The following PCDHGA3 variants were observed in gnomAD, a reference collection of about 807,000 sequenced individuals.
The protein encoded by PCDHGA3 is protocadherin gamma-A3.
Under a neutral mutation model 58.5 loss-of-function variants are expected in PCDHGA3, and 40 were observed. The observed-to-expected ratio is 0.68, with a 90% CI of 0.53 to 0.89. PCDHGA3 has a LOEUF of 0.89. Among genes scored for constraint, PCDHGA3 ranks in the 40% least tolerant of loss-of-function variants. The probability of loss-of-function intolerance (pLI) is 0.00; values close to 1 mark genes in which losing one functional copy is unlikely to be tolerated. For synonymous variants in PCDHGA3, 530 were observed against 525.7 expected, an observed-to-expected ratio of 1.01 and a Z score of -0.11; for missense variants, 1,223 against 1,195.9, an observed-to-expected ratio of 1.02 and a Z score of -0.33.
chr5:141,472,132 A>C (rs1004365239), intron 1 of PCDHGA3, among the ~76,000 whole-genome samples: 3 of 152,272 alleles, frequency 2.0e-5, no homozygotes, highest in African/African-American at 7.2e-5. Flanking sequence ...GAGAAGTTAA[A>C]AATAAAAGTT....
chr5:141,360,404 T>C, intron 1 of PCDHGA3: 2 of 1,613,934 alleles, frequency 1.2e-6, no homozygotes, highest in South Asian at 1.1e-5. Flanking sequence ...AGTGACAGAA[T>C]AGACCGAGAA....
chr5:141,477,898 AG>A lies in PCDHGA3; in HGVS notation c.2425-16907del. The stretch of plus-strand genomic sequence containing the variant: ...CTGGCCACCTAGTGTCACGGGTGGT[AG>A]GCTGGGACGCGGATGCAGGGCACAA... On this transcript the variant is annotated intron_variant, in intron 1 of 3. Coordinates refer to ENST00000253812, the MANE Select transcript of PCDHGA3 (RefSeq NM_018916.4). The surrounding 1 kb of genome is among the most constrained non-coding windows in gnomAD (Gnocchi z 4.9). The A allele has an allele frequency of 6.2e-7, 1 of 1,614,158 alleles. No individual in the cohort carries two copies. Among genetic ancestry groups the A allele is most frequent in the Non-Finnish European group, 8.5e-7 (1 of 1,180,036 alleles).
chr5:141,432,808 C>T lies in PCDHGA3; in HGVS notation c.2425-61999C>T, dbSNP rs1473886709. ...TCGGCAGCCTCGAGTCTCCAGCTAA[C>T]TCTGAAACCTCAGACCTCACTCTGT... On this transcript the variant is annotated intron_variant, in intron 1 of 3. Transcript: ENST00000253812. This position sits in a 1 kb window ranked among gnomAD's most constrained non-coding sequence, Gnocchi z 6.0. 6.2e-7 allele frequency: 1 copy of T among 1,613,486 alleles called. No homozygotes were observed. Among genetic ancestry groups the T allele is most frequent in the African/African-American group, 1.3e-5 (1 of 74,426 alleles).
intron 1 of PCDHGA3, chr5:141,413,229 C>T (rs200934469): frequency 6.2e-7 from 1 of 1,613,914 alleles, no homozygotes; most frequent in African/African-American, 1.3e-5. Context: ...GCGGGCTGGT[C>T]CTGCTCTGCC....
At chr5:141,417,710 TC>T (rs1471403767) in intron 1 of PCDHGA3, 1 of 1,249,228 alleles carries the variant, frequency 8.0e-7, no homozygotes, top group Non-Finnish European at 1.1e-6. Flanking sequence ...ACACAGAGGC[TC>T]CCGGCTGCGC....
intron 1 of PCDHGA3, chr5:141,409,995 CG>C: frequency 1.2e-6 from 2 of 1,613,308 alleles, no homozygotes; most frequent in Non-Finnish European, 1.7e-6. Context: ...GACGCCGACT[CG>C]GGACACAACG....
intron 1 of PCDHGA3, among the ~76,000 whole-genome samples, chr5:141,429,377 G>GTT (rs566693637): frequency 2.2e-4 from 33 of 149,524 alleles, no homozygotes; most frequent in South Asian, 1.5e-3. Context: ...GAGAAAATGT[G>GTT]TTTTTTTTTT....
chr5:141,427,103 G>A (rs1216465844), intron 1 of PCDHGA3: 3 of 457,888 alleles, frequency 6.6e-6, no homozygotes, highest in Non-Finnish European at 1.3e-5. Flanking sequence ...GTGTCAATGC[G>A]GAGATCACCT....
rs1292277026 is a variant in PCDHGA3 at position 141,489,814 on chromosome 5, CCA to C, written c.2425-4992_2425-4991del. 6 of 1,614,024 alleles carry C rather than the reference CCA, an allele frequency of 3.7e-6. No homozygotes were observed. Among genetic ancestry groups the C allele is most frequent in the Non-Finnish European group, 8.5e-7 (1 of 1,180,004 alleles). ...GACCCTAAAAGATGGGAAGCCATTC[CCA>C]GAGCTGGTGCTAGAGCAGCAGCTGG... On this transcript the variant is annotated intron_variant, in intron 1 of 3. Transcript: ENST00000253812. This position sits in a 1 kb window ranked among gnomAD's most constrained non-coding sequence, Gnocchi z 4.5.
chr5:141,478,857 C>A, intron 1 of PCDHGA3: 1 of 1,353,600 alleles, frequency 7.4e-7, no homozygotes, highest in Non-Finnish European at 9.8e-7. Context: ...AACACAAGAT[C>A]TCAGCGATCA....
At chr5:141,360,679 G>T in intron 1 of PCDHGA3, 1 of 1,613,988 alleles carries the variant, frequency 6.2e-7, no homozygotes, top group Non-Finnish European at 8.5e-7. Context: ...TGATCTCGCT[G>T]AGAAACAGAC....
At chr5:141,439,737 A>T (rs947754447) in intron 1 of PCDHGA3, 4 of 152,382 alleles carry the variant, frequency 2.6e-5, no homozygotes, top group Non-Finnish European at 5.9e-5. Flanking sequence ...CAGGAACGGA[A>T]CGGATTTACA....
chr5:141,414,466 G>A, intron 1 of PCDHGA3: 1 of 1,613,872 alleles, frequency 6.2e-7, no homozygotes, highest in Non-Finnish European at 8.5e-7. Flanking sequence ...AGCCACAGAT[G>A]GGGGAAGTCC....
chr5:141,489,222 A>C lies in PCDHGA3; in HGVS notation c.2425-5585A>C. On this transcript the variant is annotated intron_variant, in intron 1 of 3. Coordinates refer to ENST00000253812, the MANE Select transcript of PCDHGA3 (RefSeq NM_018916.4). The surrounding 1 kb of genome is among the most constrained non-coding windows in gnomAD (Gnocchi z 4.5). ...ACAGGACAGCACAGACTTACTCTCC[A>C]CAAAGGGACTTCTGGGTCATGGGGC... 6.6e-7 allele frequency: 1 copy of C among 1,515,652 alleles called. No individual in the cohort carries two copies. Among genetic ancestry groups the C allele is most frequent in the Middle Eastern group, 1.8e-4 (1 of 5,598 alleles). 93.9% of individuals were successfully genotyped at this position (1,515,652 alleles called of 1,614,324 possible).
intron 1 of PCDHGA3, among the ~76,000 whole-genome samples, chr5:141,458,079 C>G (rs1016889225): frequency 6.6e-6 from 1 of 152,186 alleles, no homozygotes; most frequent in Non-Finnish European, 1.5e-5. Context: ...AACTATATTG[C>G]CGTAAGTTAA....
chr5:141,482,071 A>G (rs2099551527), intron 1 of PCDHGA3, among the ~76,000 whole-genome samples: 1 of 145,394 alleles, frequency 6.9e-6, no homozygotes, highest in Non-Finnish European at 1.5e-5. Flanking sequence ...GGCAACAAGA[A>G]CAAAACTCAC....
intron 1 of PCDHGA3, among the ~76,000 whole-genome samples, chr5:141,455,160 G>GTT (rs59530096): frequency 1.3e-4 from 20 of 149,232 alleles, no homozygotes; most frequent in South Asian, 1.1e-3. Flanking sequence ...TAGTTTGTTG[G>GTT]TTTTTTTTTT....
intron 1 of PCDHGA3, among the ~76,000 whole-genome samples, chr5:141,447,744 T>G (rs1020767891): frequency 3.4e-4 from 51 of 152,206 alleles, no homozygotes; most frequent in African/African-American, 1.2e-3. Context: ...CTTAAGAGTC[T>G]TGCATGTGAC....
intron 1 of PCDHGA3, among the ~76,000 whole-genome samples, chr5:141,463,527 G>C (rs12109431): frequency 1.5e-5 from 2 of 131,102 alleles, no homozygotes; most frequent in Non-Finnish European, 3.1e-5. Context: ...CGGCTTACTA[G>C]AAACTCCGGC....
Sources: gnomAD v4.1 joint callset for allele counts (sites outside exome capture counted in the v4.1 genomes callset) on GRCh38, gnomAD v4.1.1 for gene constraint, Gnocchi (gnomAD v3.1) non-coding constraint, MANE v1.5 for transcripts, NCBI Gene and HGNC (gene_info 2026-07-23, HGNC 2026-07-21) for gene names.